Variants in DOC2A observed in about 807,000 individuals in gnomAD.
The protein encoded by DOC2A is double C2-like domain-containing protein alpha.
A neutral mutation model predicts 40.6 loss-of-function variants in DOC2A; 28 were observed. The observed-to-expected ratio is 0.69, with a 90% confidence interval of 0.51 to 0.95. The LOEUF is 0.95. Ranked by LOEUF, DOC2A falls within the 40% of genes least tolerant of loss-of-function variation. DOC2A has a pLI of 0.00. For synonymous variants in DOC2A, 241 were observed against 236.9 expected (o/e 1.02, Z -0.16); for missense variants, 474 against 552.5 (o/e 0.86, Z 1.42).
upstream of DOC2A, chr16:30,023,053 T>C (rs1272633802): frequency 3.1e-6 from 1 of 320,400 alleles, no homozygotes; most frequent in African/African-American, 2.1e-5. Flanking sequence ...CCCCAAATTG[T>C]GCCTGTTGTC....
chr16:30,022,500 A>G (rs545695305), upstream of DOC2A, among the ~76,000 whole-genome samples: 20 of 152,122 alleles, frequency 1.3e-4, no homozygotes, highest in African/African-American at 4.8e-4. Context: ...GCAAGCCCTC[A>G]TTTCTACAAA....
At chr16:30,016,528 C>A (rs1425934681), upstream of DOC2A, among the ~76,000 whole-genome samples, 2 of 152,134 alleles carry the variant, frequency 1.3e-5, no homozygotes, top group African/African-American at 4.8e-5. Context: ...GGTCAAGGAA[C>A]CTGTCGAGTC....
At position 30,006,992 on chromosome 16, in the gene DOC2A, C is replaced by T; in HGVS notation, c.714+39G>A. The T allele has an allele frequency of 1.9e-6, 3 of 1,613,756 alleles. No individual in the cohort carries two copies. The highest frequency in any genetic ancestry group is 2.5e-6 in the Non-Finnish European group (3 of 1,179,828). On this transcript the variant is annotated intron_variant, in intron 7 of 10. Coordinates refer to ENST00000350119, the MANE Select transcript of DOC2A (RefSeq NM_003586.3). The surrounding 1 kb of genome is among the most constrained non-coding windows in gnomAD (Gnocchi z 6.2). The stretch of plus-strand genomic sequence containing the variant: ...GGGTCAGCCTGGGCCCCTGCAGCCT[C>T]CCACCCACATGCATCCCCATCCCCA...
At chr16:30,020,518 G>A (rs2150964965) in intron 1 of DOC2A, among the ~76,000 whole-genome samples, 1 of 152,050 alleles carries the variant, frequency 6.6e-6, no homozygotes, top group Non-Finnish European at 1.5e-5. Flanking sequence ...ACCAGCCTGG[G>A]CAACATAGCA....
In DOC2A at chr16:30,005,733, C is replaced by T; in HGVS notation, c.*453G>A. 1.9e-6 allele frequency: 1 copy of T among 513,242 alleles called. No individual in the cohort carries two copies. The highest frequency in any genetic ancestry group is 3.4e-6 in the Non-Finnish European group (1 of 292,092). 31.8% of individuals were successfully genotyped at this position (513,242 alleles called of 1,614,324 possible). A position where few individuals can be genotyped will look rare whatever the true frequency, so the allele number is the denominator to read the frequency against. Reference sequence around the variant, plus strand: ...TGCAATGGCCACCTCTTTAAAAGGGCAGCTGTACAGGGCTAGGTTTTTTCA... The same window carrying T: ...TGCAATGGCCACCTCTTTAAAAGGGTAGCTGTACAGGGCTAGGTTTTTTCA... On this transcript the variant is annotated 3_prime_UTR_variant, in exon 11 of 11. Coordinates refer to ENST00000350119, the MANE Select transcript of DOC2A (RefSeq NM_003586.3).
rs1466702664 is a variant in DOC2A at position 30,006,818 on chromosome 16, T to C, written c.845A>G (p.Asp282Gly). Residue 282 changes from aspartate to glycine, a missense_variant, in exon 8 of 11, where the codon GAC becomes GGC. Asp to Gly is a moderately conservative substitution (Grantham distance 94). Coordinates refer to ENST00000350119, the MANE Select transcript of DOC2A (RefSeq NM_003586.3). The surrounding 1 kb of genome is among the most constrained non-coding windows in gnomAD (Gnocchi z 6.2). ...ILRCAHLAAMDVNGYSDPYVK... is the reference protein window; with the variant it reads ...ILRCAHLAAMGVNGYSDPYVK... ...GTAGGGGTCCGAGTAACCGTTGACG[T>C]CCATGGCAGCCAGATGGGCGCAGCG... 6.2e-7 allele frequency: 1 copy of C among 1,613,558 alleles called. No individual in the cohort carries two copies. Among genetic ancestry groups the C allele is most frequent in the Non-Finnish European group, 8.5e-7 (1 of 1,179,920 alleles).
At chr16:30,023,193 C>G (rs2070939426), upstream of DOC2A, 2 of 651,686 alleles carry the variant, frequency 3.1e-6, no homozygotes, top group Non-Finnish European at 5.3e-6. Context: ...AAGACTGGTC[C>G]CAACCTCTCT....
rs1165840799 is a variant in DOC2A at position 30,006,853 on chromosome 16, T to A, written c.810A>T (p.Val270=). The change falls in exon 8 of 11, where the codon GTA becomes GTT. Residue 270 remains valine (V), a synonymous_variant. Transcript: ENST00000350119. The surrounding 1 kb of genome is among the most constrained non-coding windows in gnomAD (Gnocchi z 6.2). ...SYSSRRRGLL[V]GILRCAHLAA... ...CCAGATGGGCGCAGCGCAAGATGCCTACCAGCAGTCCCCGGCGCCGCGAGC... is the reference window on the plus strand; with the variant it reads ...CCAGATGGGCGCAGCGCAAGATGCCAACCAGCAGTCCCCGGCGCCGCGAGC... 2 of 1,613,722 alleles carry A rather than the reference T, an allele frequency of 1.2e-6. No individual in the cohort carries two copies. Among genetic ancestry groups the A allele is most frequent in the Admixed American group, 3.3e-5 (2 of 60,014 alleles).
At chr16:30,014,424 A>G (rs891339811), upstream of DOC2A, among the ~76,000 whole-genome samples, 1 of 151,900 alleles carries the variant, frequency 6.6e-6, no homozygotes, top group Admixed American at 6.6e-5. Flanking sequence ...TCACGAGGTC[A>G]GGAGATCGAG....
At position 30,009,560 on chromosome 16, in the gene DOC2A, GGA is replaced by G. The variant is rs1048151795; in HGVS notation, c.263-5_263-4del. 11 of 1,550,796 alleles carry G rather than the reference GGA, an allele frequency of 7.1e-6. No individual in the cohort carries two copies. The highest frequency in any genetic ancestry group is 9.6e-6 in the Non-Finnish European group (11 of 1,146,896). ...AAACTCCAGCGTGCCTAGGGCGGCT[GGA>G]GAGAGAGGAAAGGCAGCATGGGTCG... On this transcript the variant is annotated splice_polypyrimidine_tract_variant and splice_region_variant and intron_variant, in intron 2 of 10. Coordinates refer to ENST00000350119, the MANE Select transcript of DOC2A (RefSeq NM_003586.3). The surrounding 1 kb of genome is among the most constrained non-coding windows in gnomAD (Gnocchi z 4.1).
rs2070611911 is a variant in DOC2A, at chr16:30,006,764, A to G, written c.878+21T>C. 6.2e-7 allele frequency: 1 copy of G among 1,613,588 alleles called. No individual in the cohort carries two copies. ...CCAGGGCAGGCTCCCTGGGGAGGAG[A>G]GGGTCAGAGCAAGGGCTCACGTCTT... On this transcript the variant is annotated intron_variant, in intron 8 of 10. Coordinates refer to ENST00000350119, the MANE Select transcript of DOC2A (RefSeq NM_003586.3). The surrounding 1 kb of genome is among the most constrained non-coding windows in gnomAD (Gnocchi z 6.2).
chr16:30,007,480 C>A, intron 5 of DOC2A, 181 bp from the exon 6 acceptor site: 1 of 776,954 alleles, frequency 1.3e-6, no homozygotes, highest in Non-Finnish European at 2.1e-6. Context: ...TGCAGCCACC[C>A]GGCTGTCCCT....
Position 30,009,648 on chromosome 16 carries a change from C to G in DOC2A, c.263-91G>C. The G allele has an allele frequency of 8.3e-7, 1 of 1,208,366 alleles. No individual in the cohort carries two copies. Among genetic ancestry groups the G allele is most frequent in the Non-Finnish European group, 1.2e-6 (1 of 845,006 alleles). The allele number at this position is 1,208,366 out of a possible 1,614,324, so 74.9% of individuals were successfully genotyped here. A position where few individuals can be genotyped will look rare whatever the true frequency, so the allele number is the denominator to read the frequency against. On this transcript the variant is annotated intron_variant, in intron 2 of 10. Coordinates refer to ENST00000350119, the MANE Select transcript of DOC2A (RefSeq NM_003586.3). The surrounding 1 kb of genome is among the most constrained non-coding windows in gnomAD (Gnocchi z 4.1). ...GGGCACTGGCTCTGTGTGTCTCTCTCTCTTGCCAGCCCGCGAGTGTGAGTG... is the reference window on the plus strand; with the variant it reads ...GGGCACTGGCTCTGTGTGTCTCTCTGTCTTGCCAGCCCGCGAGTGTGAGTG...
At chr16:30,011,549 C>T (rs2070781004), upstream of DOC2A, 2 of 355,146 alleles carry the variant, frequency 5.6e-6, no homozygotes, top group Non-Finnish European at 7.9e-6. Context: ...TCTCCCCCCA[C>T]CCCCGCGCGT....
At chr16:30,019,465 G>T (rs1364006014) in intron 1 of DOC2A, among the ~76,000 whole-genome samples, 2 of 152,174 alleles carry the variant, frequency 1.3e-5, no homozygotes, top group African/African-American at 4.8e-5. Flanking sequence ...CCGTGCCGTG[G>T]TGATTTCTGA....
upstream of DOC2A, among the ~76,000 whole-genome samples, chr16:30,016,875 T>A (rs1299655421): frequency 6.6e-6 from 1 of 151,986 alleles, no homozygotes; most frequent in African/African-American, 2.4e-5. Context: ...CAGGGGATGG[T>A]CAGAAGCCAT....
At chr16:30,022,428 T>C (rs1385299611), upstream of DOC2A, among the ~76,000 whole-genome samples, 3 of 151,834 alleles carry the variant, frequency 2.0e-5, no homozygotes, top group South Asian at 2.1e-4. Context: ...CCCAGCACTT[T>C]GGGAGGCCGA....
chr16:30,022,724 TG>T (rs2070930974), upstream of DOC2A, among the ~76,000 whole-genome samples: 2 of 151,592 alleles, frequency 1.3e-5, no homozygotes, highest in Non-Finnish European at 2.9e-5. Context: ...TCACCTGAGG[TG>T]AGGAGTTCAA....
chr16:30,009,371 G>C lies in DOC2A; in HGVS notation c.343-95C>G. On this transcript the variant is annotated intron_variant, in intron 3 of 10. Transcript: ENST00000350119. This position sits in a 1 kb window ranked among gnomAD's most constrained non-coding sequence, Gnocchi z 4.1. Reference sequence around the variant, plus strand: ...ACCCTGGAGGAGCCCAGAAGGAGGGGGCAAGGGCAGGACGAAGGAGCAGGC... The same window carrying C: ...ACCCTGGAGGAGCCCAGAAGGAGGGCGCAAGGGCAGGACGAAGGAGCAGGC... 4 of 1,488,408 alleles carry C rather than the reference G, an allele frequency of 2.7e-6. No individual in the cohort carries two copies. Among genetic ancestry groups the C allele is most frequent in the Non-Finnish European group, 1.8e-6 (2 of 1,090,922 alleles). 92.2% of individuals were successfully genotyped at this position (1,488,408 alleles called of 1,614,324 possible). A position where few individuals can be genotyped will look rare whatever the true frequency, so the allele number is the denominator to read the frequency against.
Sources: allele counts gnomAD v4.1 joint callset (sites outside exome capture counted in the v4.1 genomes callset), GRCh38; gene constraint gnomAD v4.1.1; non-coding constraint Gnocchi (gnomAD v3.1); transcripts MANE v1.5; gene names NCBI Gene and HGNC (gene_info 2026-07-23, HGNC 2026-07-21).